The following DIP2C variants were observed in gnomAD, a reference collection of about 807,000 sequenced individuals.
DIP2C encodes DIP2 acetate--CoA ligase C (putative).
A neutral mutation model predicts 192.4 loss-of-function variants in DIP2C; 33 were observed. That is an observed-to-expected ratio of 0.17 (90% CI 0.13 to 0.23). DIP2C has a LOEUF of 0.23. Among genes scored for constraint, DIP2C ranks in the 10% least tolerant of loss-of-function variants. The probability of loss-of-function intolerance (pLI) is 1.00; values close to 1 mark genes in which losing one functional copy is unlikely to be tolerated. For synonymous variants in DIP2C, 979 were observed against 864.1 expected, an observed-to-expected ratio of 1.13 and a Z score of -2.33; for missense variants, 1,537 against 2,110.1, an observed-to-expected ratio of 0.73 and a Z score of 5.32.
chr10:617,187 TGG>T (rs2131813461), intron 1 of DIP2C, among the ~76,000 whole-genome samples: 2 of 20,364 alleles, frequency 9.8e-5, no homozygotes, highest in South Asian at 0.014. Context: ...CCTACTGTGT[TGG>T]TATCTCAGCC....
In DIP2C at chr10:369,608, G is replaced by T; in HGVS notation, c.2017C>A (p.Pro673Thr). 2 of 1,614,002 alleles carry T rather than the reference G, an allele frequency of 1.2e-6. No homozygotes were observed. Among genetic ancestry groups the T allele is most frequent in the Non-Finnish European group, 8.5e-7 (1 of 1,179,948 alleles). The change falls in exon 18 of 37, where the codon CCG becomes ACG. Residue 673 changes from proline (P) to threonine (T), a missense_variant. By Grantham distance (38) the Pro-to-Thr change is conservative (BLOSUM62 -1). Coordinates refer to ENST00000280886, the MANE Select transcript of DIP2C (RefSeq NM_014974.3). ...TGCATGGAGAGGACACCCCGGCCCG[G>T]GGGCTGGTTACTGTCATCCGTGGGC... ...RRPTDDSNQP[P>T]GRGVLSMHGL...
intron 11 of DIP2C, 50 bp from the exon 12 acceptor site, chr10:390,423 C>T (rs1963366936): frequency 2.6e-6 from 4 of 1,557,390 alleles, no homozygotes; most frequent in South Asian, 2.2e-5. Context: ...GAAAGTCGGT[C>T]TGTAGAATTT....
Position 409,740 on chromosome 10 carries a change from T to C in DIP2C, c.1058-723A>G, listed in dbSNP as rs116232636. 6.0e-3 allele frequency among the ~76,000 whole-genome samples: 917 copies of C among 152,368 alleles called. 3 individuals are homozygous for C. Among genetic ancestry groups the C allele is most frequent in the Middle Eastern group, 0.014 (4 of 294 alleles). On this transcript the variant is annotated intron_variant, in intron 8 of 36. Transcript: ENST00000280886. ...AGAGGCTCCAAACTCACAAGCCCTG[T>C]GTTTCTCACCTTCAAACTTTCCTAA... is the stretch of plus-strand genomic sequence containing the variant.
intron 4 of DIP2C, among the ~76,000 whole-genome samples, chr10:434,524 T>C (rs2133232759): frequency 6.6e-6 from 1 of 152,318 alleles, no homozygotes; most frequent in East Asian, 1.9e-4. Flanking sequence ...TCTCCCGCCT[T>C]GGCCTCCCAG....
intron 10 of DIP2C, among the ~76,000 whole-genome samples, chr10:394,153 A>T (rs1963742874): frequency 6.6e-6 from 1 of 152,218 alleles, no homozygotes; most frequent in South Asian, 2.1e-4. Flanking sequence ...CAAGAAGACA[A>T]ATCAACCACA....
rs1388911143 is a variant in DIP2C, at chr10:276,793, G to A, written c.*532C>T. ...GAAAGCTGCTATTATCTAATTGGAAGGTGCTATTTGGAAGGTTTTCTCGTA... is the reference window on the plus strand; with the variant it reads ...GAAAGCTGCTATTATCTAATTGGAAAGTGCTATTTGGAAGGTTTTCTCGTA... On this transcript the variant is annotated 3_prime_UTR_variant, in exon 37 of 37. Coordinates refer to ENST00000280886, the MANE Select transcript of DIP2C (RefSeq NM_014974.3). 6.5e-6 allele frequency: 1 copy of A among 153,582 alleles called. No homozygotes were observed. The highest frequency in any genetic ancestry group is 1.5e-5 in the Non-Finnish European group (1 of 68,740). The allele number at this position is 153,582 out of a possible 1,614,324, so 9.5% of individuals were successfully genotyped here. A position where few individuals can be genotyped will look rare whatever the true frequency, so the allele number is the denominator to read the frequency against.
intron 3 of DIP2C, among the ~76,000 whole-genome samples, chr10:465,037 T>C (rs867363533): frequency 2.0e-5 from 3 of 148,344 alleles, no homozygotes; most frequent in Middle Eastern, 3.4e-3. Context: ...ACTCATTTTA[T>C]GAGGCCAGCA....
chr10:603,431 GTC>G (rs1190014837), intron 1 of DIP2C, among the ~76,000 whole-genome samples: 1 of 149,526 alleles, frequency 6.7e-6, no homozygotes, highest in Non-Finnish European at 1.5e-5. Context: ...CAGGACCTCT[GTC>G]TCTGATGTGC....
chr10:479,808 C>A (rs556036942), intron 2 of DIP2C, among the ~76,000 whole-genome samples: 3 of 152,202 alleles, frequency 2.0e-5, no homozygotes, highest in African/African-American at 7.2e-5. Flanking sequence ...GCATCTCATC[C>A]GCCAGCCTGA....
At chr10:442,537 A>T (rs1251059844) in intron 3 of DIP2C, among the ~76,000 whole-genome samples, 1 of 152,074 alleles carries the variant, frequency 6.6e-6, no homozygotes, top group Non-Finnish European at 1.5e-5. Context: ...TCCATTTTAA[A>T]CTTTTTGGAT....
At chr10:561,591 T>A (rs1055884648) in intron 1 of DIP2C, among the ~76,000 whole-genome samples, 3 of 152,194 alleles carry the variant, frequency 2.0e-5, no homozygotes, top group African/African-American at 7.2e-5. Context: ...TCTCAGCCAC[T>A]GACCCTCCTG....
chr10:386,301 T>C (rs935550140), intron 14 of DIP2C, among the ~76,000 whole-genome samples: 2 of 152,216 alleles, frequency 1.3e-5, no homozygotes, highest in African/African-American at 4.8e-5. Flanking sequence ...CGTCGTTCCA[T>C]TCACAGACAG....
At chr10:351,891 C>T (rs571744684) in intron 24 of DIP2C, among the ~76,000 whole-genome samples, 1 of 152,324 alleles carries the variant, frequency 6.6e-6, no homozygotes, top group East Asian at 1.9e-4. Flanking sequence ...AGGCTGGGTG[C>T]TGATGGGACC....
chr10:650,661 G>A (rs979467083), intron 1 of DIP2C: 5 of 618,572 alleles, frequency 8.1e-6, no homozygotes, highest in Admixed American at 5.8e-5. Flanking sequence ...TCCACAGCAC[G>A]TGAGCTGGCA....
At chr10:570,989 G>A (rs752048292) in intron 1 of DIP2C, among the ~76,000 whole-genome samples, 1 of 152,010 alleles carries the variant, frequency 6.6e-6, no homozygotes, top group Admixed American at 6.5e-5. Context: ...GGCAGCAAGA[G>A]CCCCGCAGGC....
intron 28 of DIP2C, among the ~76,000 whole-genome samples, chr10:344,172 C>G (rs1958297818): frequency 1.3e-5 from 2 of 152,306 alleles, no homozygotes; most frequent in South Asian, 4.1e-4. Flanking sequence ...TAACTTCAGA[C>G]CACAGTAAGT....
chr10:393,778 C>CAAAAAA (rs34390976), intron 10 of DIP2C, among the ~76,000 whole-genome samples: 7 of 66,224 alleles, frequency 1.1e-4, no homozygotes, highest in African/African-American at 3.2e-4. Context: ...GACTCCGTCT[C>CAAAAAA]AAAAAAAAAA....
chr10:487,073 G>T (rs962170452), intron 1 of DIP2C, among the ~76,000 whole-genome samples: 6 of 152,338 alleles, frequency 3.9e-5, no homozygotes, highest in African/African-American at 1.4e-4. Flanking sequence ...GAAGACAAGA[G>T]AAAGGTGCTT....
At chr10:526,355 G>C (rs1847050045) in intron 1 of DIP2C, among the ~76,000 whole-genome samples, 1 of 152,142 alleles carries the variant, frequency 6.6e-6, no homozygotes, top group South Asian at 2.1e-4. Flanking sequence ...GCATATAAAT[G>C]TGTGCATTTA....
Sources: allele counts gnomAD v4.1 joint callset (sites outside exome capture counted in the v4.1 genomes callset), GRCh38; gene constraint gnomAD v4.1.1; transcripts MANE v1.5; gene names NCBI Gene and HGNC (gene_info 2026-07-23, HGNC 2026-07-21).